The following RPH3AL variants were observed in gnomAD, a reference collection of about 807,000 sequenced individuals.
The protein encoded by RPH3AL is rab effector Noc2.
Under a neutral mutation model 43.1 loss-of-function variants are expected in RPH3AL, and 38 were observed. The ratio of observed to expected loss-of-function variants is 0.88; its 90% CI spans 0.68 to 1.15. The LOEUF (loss-of-function observed/expected upper bound fraction) is 1.15. Ranked by LOEUF, RPH3AL falls within the 50% of genes most tolerant of loss-of-function variation. The pLI is 0.00. For synonymous variants in RPH3AL, 189 were observed against 176.3 expected, an observed-to-expected ratio of 1.07 and a Z score of -0.57; for missense variants, 462 against 423.2, an observed-to-expected ratio of 1.09 and a Z score of -0.81.
intron 5 of RPH3AL, among the ~76,000 whole-genome samples, chr17:295,065 G>A: frequency 7.2e-6 from 1 of 138,004 alleles, no homozygotes; most frequent in African/African-American, 2.8e-5. Context: ...CAGAGGGAAT[G>A]CACATCAGTG....
At chr17:316,831 A>T (rs2044241570) in intron 5 of RPH3AL, among the ~76,000 whole-genome samples, 1 of 140,506 alleles carries the variant, frequency 7.1e-6, no homozygotes, top group Non-Finnish European at 1.5e-5. Context: ...ATTGACCTGT[A>T]GTCCCTGTGA....
chr17:342,106 A>G (rs552252940), intron 1 of RPH3AL, among the ~76,000 whole-genome samples: 3 of 152,346 alleles, frequency 2.0e-5, no homozygotes, highest in East Asian at 1.9e-4. Flanking sequence ...ATCACATGAA[A>G]AAAGACTCAA....
At chr17:293,727 T>G (rs2043101489) in intron 5 of RPH3AL, among the ~76,000 whole-genome samples, 1 of 151,920 alleles carries the variant, frequency 6.6e-6, no homozygotes, top group Admixed American at 6.6e-5. Flanking sequence ...GGAGGAGGGT[T>G]TTTAAAAACC....
chr17:333,092 C>T lies in RPH3AL; in HGVS notation c.-37+667G>A, dbSNP rs1410187573. On this transcript the variant is annotated intron_variant, in intron 2 of 9. Transcript: ENST00000331302. This position sits in a 1 kb window ranked among gnomAD's most constrained non-coding sequence, Gnocchi z 4.5. ...TCTCTCTCTAAAGTCGAGAGCTCAC[C>T]ACCCCGGGCGTTCGTCACTGCAGAC... 3.1e-6 allele frequency: 4 copies of T among 1,287,640 alleles called. No homozygotes were observed. Among genetic ancestry groups the T allele is most frequent in the South Asian group, 2.5e-5 (2 of 80,894 alleles). The allele number at this position is 1,287,640 out of a possible 1,614,324, so 79.8% of individuals were successfully genotyped here. A position where few individuals can be genotyped will look rare whatever the true frequency, so the allele number is the denominator to read the frequency against.
intron 5 of RPH3AL, among the ~76,000 whole-genome samples, chr17:284,279 G>A (rs548638977): frequency 1.3e-5 from 2 of 152,354 alleles, no homozygotes; most frequent in South Asian, 4.1e-4. Flanking sequence ...AAGGCTCAGA[G>A]ATGACTCGGG....
At chr17:301,727 C>T (rs1045892172) in intron 5 of RPH3AL, among the ~76,000 whole-genome samples, 2 of 152,194 alleles carry the variant, frequency 1.3e-5, no homozygotes, top group Non-Finnish European at 2.9e-5. Flanking sequence ...GTGTGACCCA[C>T]CGCGCCCGGC....
chr17:307,437 C>CTCCCCACAGCAGGTCCA (rs2043530474), intron 5 of RPH3AL, among the ~76,000 whole-genome samples: 3 of 152,138 alleles, frequency 2.0e-5, no homozygotes, highest in Admixed American at 2.0e-4. Flanking sequence ...ACGGCAGGTC[C>CTCCCCACAGCAGGTCCA]TCCCCACAGC....
At chr17:347,295 C>T (rs1481578511) in intron 1 of RPH3AL, among the ~76,000 whole-genome samples, 2 of 152,044 alleles carry the variant, frequency 1.3e-5, no homozygotes, top group Non-Finnish European at 2.9e-5. Flanking sequence ...AAAAATAAAG[C>T]CAACCTGGGC....
chr17:347,821 A>AATATG (rs1238255068), intron 1 of RPH3AL, among the ~76,000 whole-genome samples: 1 of 152,134 alleles, frequency 6.6e-6, no homozygotes, highest in Admixed American at 6.5e-5. Flanking sequence ...GAATAAACAA[A>AATATG]ATATGGTACC....
intron 5 of RPH3AL, among the ~76,000 whole-genome samples, chr17:317,528 C>G (rs1321851017): frequency 2.0e-5 from 3 of 152,068 alleles, no homozygotes; most frequent in African/African-American, 7.2e-5. Context: ...CCTCCATTGA[C>G]CTGAAGTCCC....
intron 6 of RPH3AL, among the ~76,000 whole-genome samples, chr17:272,039 G>C (rs1308515927): frequency 1.3e-5 from 2 of 152,172 alleles, no homozygotes; most frequent in Non-Finnish European, 2.9e-5. Context: ...AGAAATGCAA[G>C]TCAAAACCAC....
At chr17:216,860 C>T (rs1053483649) in intron 8 of RPH3AL, among the ~76,000 whole-genome samples, 5 of 152,116 alleles carry the variant, frequency 3.3e-5, no homozygotes, top group Admixed American at 6.5e-5. Flanking sequence ...CTGCCATGGT[C>T]ACAGGAGAGG....
At position 247,018 on chromosome 17, in the gene RPH3AL, T is replaced by C; in HGVS notation, c.613+93A>G. ...CAGAATGAGCCTCGTGGATGGAGGG[T>C]GCGGGGGACTGGCCTTGTGCCTGCA... On this transcript the variant is annotated intron_variant, in intron 7 of 9. Coordinates refer to ENST00000331302, the MANE Select transcript of RPH3AL (RefSeq NM_006987.4). The C allele has an allele frequency of 6.0e-6, 8 of 1,339,240 alleles. No individual in the cohort carries two copies. The South Asian group carries it at 8.7e-5, about 14-fold the overall frequency. 83.0% of individuals were successfully genotyped at this position (1,339,240 alleles called of 1,614,324 possible). A position where few individuals can be genotyped will look rare whatever the true frequency, so the allele number is the denominator to read the frequency against.
intron 1 of RPH3AL, among the ~76,000 whole-genome samples, chr17:350,209 G>A (rs953384106): frequency 4.6e-5 from 7 of 152,300 alleles, no homozygotes; most frequent in Admixed American, 1.3e-4. Context: ...GTTCCAGGCT[G>A]GGCGCGGTGG....
chr17:252,189 G>T (rs1269802788), intron 6 of RPH3AL, among the ~76,000 whole-genome samples: 1 of 151,902 alleles, frequency 6.6e-6, no homozygotes, highest in African/African-American at 2.4e-5. Flanking sequence ...TACTCAGGCT[G>T]GTCTCTAACT....
intron 6 of RPH3AL, among the ~76,000 whole-genome samples, chr17:272,762 TCACACACA>T (rs71143491): frequency 6.9e-5 from 10 of 145,856 alleles, no homozygotes; most frequent in Non-Finnish European, 1.0e-4. Context: ...ATTATTTAAG[TCACACACA>T]CACACACACA....
chr17:334,560 TC>T (rs2044889141), intron 1 of RPH3AL, among the ~76,000 whole-genome samples: 1 of 130,788 alleles, frequency 7.6e-6, no homozygotes, highest in Non-Finnish European at 1.6e-5. Flanking sequence ...CCCCACGCCT[TC>T]CCCCAGGGCC....
chr17:235,683 CACTAACAA>C (rs2041364425), intron 7 of RPH3AL, among the ~76,000 whole-genome samples: 1 of 53,598 alleles, frequency 1.9e-5, no homozygotes, highest in African/African-American at 7.4e-5. Context: ...GGAGGCTCTA[CACTAACAA>C]GACAGGTCCC....
In RPH3AL at chr17:246,908, C is replaced by CT. The variant is rs2041778286; in HGVS notation, c.613+202_613+203insA. Among the ~76,000 whole-genome samples, 1 of 152,272 alleles carries CT rather than the reference C, an allele frequency of 6.6e-6. No homozygotes were observed. The highest frequency in any genetic ancestry group is 1.5e-5 in the Non-Finnish European group (1 of 68,044). ...TGGGCCCTCCCGCCGCACTCCTGCA[C>CT]AGAGCGAACAGTCACCTGCTGGAGG... is the stretch of plus-strand genomic sequence containing the variant. On this transcript the variant is annotated intron_variant, in intron 7 of 9. Coordinates refer to ENST00000331302, the MANE Select transcript of RPH3AL (RefSeq NM_006987.4). The surrounding 1 kb of genome is among the most constrained non-coding windows in gnomAD (Gnocchi z 4.8).
Sources: allele counts gnomAD v4.1 joint callset (sites outside exome capture counted in the v4.1 genomes callset), GRCh38; gene constraint gnomAD v4.1.1; non-coding constraint Gnocchi (gnomAD v3.1); transcripts MANE v1.5; gene names NCBI Gene and HGNC (gene_info 2026-07-23, HGNC 2026-07-21).